Variants in CUL2 observed in about 807,000 individuals in gnomAD.
CUL2 encodes cullin 2, also known as cullin-2.
Under a neutral mutation model 110.2 loss-of-function variants are expected in CUL2, and 22 were observed. That is an observed-to-expected ratio of 0.20 (90% confidence interval 0.14 to 0.28). The LOEUF (loss-of-function observed/expected upper bound fraction) is 0.28. Among genes scored for constraint, CUL2 ranks in the 10% least tolerant of loss-of-function variants. The pLI, the probability that CUL2 is intolerant of heterozygous loss-of-function variation, is 1.00. For missense variants in CUL2, 631 were observed against 905.5 expected, an observed-to-expected ratio of 0.70 and a Z score of 3.89; for synonymous variants, 279 against 293.2, an observed-to-expected ratio of 0.95 and a Z score of 0.49.
In CUL2 at chr10:35,025,214, A is replaced by AAC. The variant is rs1554854423; in HGVS notation, c.1618-17_1618-16insGT. The stretch of plus-strand genomic sequence containing the variant: ...ATAATTCAAACTGTAAAAAAAAAAA[A>AAC]AAAACACACATTATTTTTAGCTACT... On this transcript the variant is annotated splice_polypyrimidine_tract_variant and intron_variant, in intron 16 of 20. Coordinates refer to ENST00000374749, the MANE Select transcript of CUL2 (RefSeq NM_003591.4). The AAC allele has an allele frequency of 9.6e-6, 15 of 1,561,270 alleles. No homozygotes were observed. In the Admixed American group the frequency reaches 1.3e-4, roughly 13 times the overall value.
chr10:35,112,491 T>C (rs2087535224), intron 1 of CUL2, among the ~76,000 whole-genome samples: 1 of 152,156 alleles, frequency 6.6e-6, no homozygotes, highest in East Asian at 1.9e-4. Flanking sequence ...AGGAGATAGA[T>C]ACCAGAGTTC....
chr10:35,027,482 A>G (rs1405540975), intron 16 of CUL2, among the ~76,000 whole-genome samples: 1 of 152,212 alleles, frequency 6.6e-6, no homozygotes, highest in Non-Finnish European at 1.5e-5. Flanking sequence ...TTTTTGGCCT[A>G]GGTAAAAAAG....
At chr10:35,037,070 T>C (rs1207366718) in intron 9 of CUL2, among the ~76,000 whole-genome samples, 1 of 152,224 alleles carries the variant, frequency 6.6e-6, no homozygotes, top group East Asian at 1.9e-4. Context: ...GGGCTTTTTG[T>C]GTCCTATTTA....
chr10:35,125,759 A>G (rs540829485), intron 1 of CUL2, among the ~76,000 whole-genome samples: 18 of 152,364 alleles, frequency 1.2e-4, no homozygotes, highest in South Asian at 2.1e-4. Flanking sequence ...CATGATTTCT[A>G]AGAACCTATC....
chr10:35,024,764 T>G (rs944185767), intron 17 of CUL2, among the ~76,000 whole-genome samples: 1 of 152,202 alleles, frequency 6.6e-6, no homozygotes, highest in African/African-American at 2.4e-5. Context: ...GGTCTCCTTA[T>G]GATGCTATAA....
intron 9 of CUL2, among the ~76,000 whole-genome samples, chr10:35,036,107 C>T (rs2085614719): frequency 6.6e-6 from 1 of 152,202 alleles, no homozygotes; most frequent in Admixed American, 6.5e-5. Context: ...CTTCATGCCT[C>T]CTTCCAATCA....
chr10:35,103,983 C>A (rs1315822556), intron 1 of CUL2, among the ~76,000 whole-genome samples: 1 of 151,992 alleles, frequency 6.6e-6, no homozygotes. Flanking sequence ...TGGCATAGGG[C>A]CTTGGGAAAT....
intron 1 of CUL2, among the ~76,000 whole-genome samples, chr10:35,075,664 ACACACACACACACACACACG>A (rs1017304683): frequency 1.6e-4 from 24 of 150,616 alleles, no homozygotes; most frequent in Middle Eastern, 3.4e-3. Flanking sequence ...ACACACACAC[ACACACACACACACACACACG>A]CACGCTCCAC....
In CUL2 at chr10:35,075,247, C is replaced by G. The variant is rs113790271; in HGVS notation, c.-22-3908G>C. ...CCAATAGCAGGAAGGTATGCTGAGA[C>G]AGTCTGTCAAGATTCTCTGCTTGCC... On this transcript the variant is annotated intron_variant, in intron 1 of 20. Transcript: ENST00000374749. Among the ~76,000 whole-genome samples, 578 of 152,282 alleles carry G rather than the reference C, an allele frequency of 3.8e-3. 2 individuals carry two copies. The highest frequency in any genetic ancestry group is 5.8e-3 in the South Asian group (28 of 4,816).
intron 1 of CUL2, among the ~76,000 whole-genome samples, chr10:35,083,348 T>G (rs1010644497): frequency 6.6e-6 from 1 of 152,134 alleles, no homozygotes; most frequent in African/African-American, 2.4e-5. Context: ...TAAAAAGATA[T>G]AAACATAGAT....
At chr10:35,057,864 C>T (rs1369171083) in intron 4 of CUL2, among the ~76,000 whole-genome samples, 1 of 151,930 alleles carries the variant, frequency 6.6e-6, no homozygotes, top group African/African-American at 2.4e-5. Context: ...GAGGCTGAGG[C>T]AGGTGGATCA....
intron 9 of CUL2, among the ~76,000 whole-genome samples, chr10:35,037,042 A>G (rs1259273726): frequency 2.0e-5 from 3 of 152,160 alleles, no homozygotes; most frequent in Non-Finnish European, 4.4e-5. Flanking sequence ...CACTGGATCA[A>G]TCGTTCCTTT....
chr10:35,117,406 T>G (rs1261926038), intron 1 of CUL2, among the ~76,000 whole-genome samples: 6 of 152,120 alleles, frequency 3.9e-5, no homozygotes, highest in Non-Finnish European at 5.9e-5. Flanking sequence ...GGCATTTTAT[T>G]TTTTGTAGAG....
At position 35,010,242 on chromosome 10, in the gene CUL2, T is replaced by G; in HGVS notation, c.*69A>C. The G allele has an allele frequency of 6.9e-7, 1 of 1,452,896 alleles. No homozygotes were observed. Among genetic ancestry groups the G allele is most frequent in the Admixed American group, 2.3e-5 (1 of 43,278 alleles). 90.0% of individuals were successfully genotyped at this position (1,452,896 alleles called of 1,614,324 possible). Reference sequence around the variant, plus strand: ...CAAATTATGGAGGCACAGTCCTGCTTTTTCCCACAGGAACACACCAAATGG... The same window carrying G: ...CAAATTATGGAGGCACAGTCCTGCTGTTTCCCACAGGAACACACCAAATGG... On this transcript the variant is annotated 3_prime_UTR_variant, in exon 21 of 21. Coordinates refer to ENST00000374749, the MANE Select transcript of CUL2 (RefSeq NM_003591.4).
At chr10:35,041,847 T>G (rs1022100122) in intron 8 of CUL2, among the ~76,000 whole-genome samples, 4 of 152,172 alleles carry the variant, frequency 2.6e-5, no homozygotes, top group Non-Finnish European at 5.9e-5. Flanking sequence ...TGAAATAAGC[T>G]TTTCTAATAA....
chr10:35,018,341 T>C (rs1420966081), intron 17 of CUL2, among the ~76,000 whole-genome samples: 2 of 147,498 alleles, frequency 1.4e-5, no homozygotes, highest in African/African-American at 2.5e-5. Context: ...GATTTGATTT[T>C]AAAGCTCTTC....
At chr10:35,058,986 C>T (rs942368197) in intron 4 of CUL2, among the ~76,000 whole-genome samples, 1 of 152,134 alleles carries the variant, frequency 6.6e-6, no homozygotes, top group Non-Finnish European at 1.5e-5. Context: ...GTGGAAACAT[C>T]AAGAGAACTC....
chr10:35,066,843 T>A (rs1022287945), intron 2 of CUL2, among the ~76,000 whole-genome samples: 1 of 152,196 alleles, frequency 6.6e-6, no homozygotes, highest in Non-Finnish European at 1.5e-5. Flanking sequence ...TAAGAAAGAA[T>A]GATGGGCTAC....
intron 6 of CUL2, among the ~76,000 whole-genome samples, chr10:35,045,574 G>T (rs1182416307): frequency 6.6e-6 from 1 of 150,674 alleles, no homozygotes; most frequent in Non-Finnish European, 1.5e-5. Flanking sequence ...ACTTAGCTGT[G>T]CATGGTGGCA....
Sources: allele counts gnomAD v4.1 joint callset (sites outside exome capture counted in the v4.1 genomes callset), GRCh38; gene constraint gnomAD v4.1.1; transcripts MANE v1.5; gene names NCBI Gene and HGNC (gene_info 2026-07-23, HGNC 2026-07-21).